The following DNAH12 variants were observed in gnomAD, a reference collection of about 807,000 sequenced individuals.
DNAH12 encodes the protein dynein axonemal heavy chain 12.
Under a neutral mutation model 371.5 loss-of-function variants are expected in DNAH12, and 285 were observed. The ratio of observed to expected loss-of-function variants is 0.77; its 90% CI spans 0.70 to 0.85. The LOEUF (loss-of-function observed/expected upper bound fraction) is 0.85. DNAH12 is among the 40% of genes least tolerant of loss of function. DNAH12 has a pLI of 0.00. For missense variants in DNAH12, 3,611 were observed against 3,689.4 expected (o/e 0.98, Z 0.55); for synonymous variants, 1,200 against 1,213.0 (o/e 0.99, Z 0.22).
intron 4 of DNAH12, 144 bp from the exon 5 acceptor site, chr3:57,511,123 C>A: frequency 1.8e-6 from 1 of 557,968 alleles, no homozygotes; most frequent in Non-Finnish European, 2.9e-6. Flanking sequence ...CCATTTAATC[C>A]AAAAGTACAT....
chr3:57,479,205 A>G (rs1164909766), intron 13 of DNAH12, among the ~76,000 whole-genome samples: 1 of 152,180 alleles, frequency 6.6e-6, no homozygotes, highest in South Asian at 2.1e-4. Context: ...CACTAGGCTC[A>G]AAATAAAGGG....
At chr3:57,415,363 A>C (rs1381892353) in intron 38 of DNAH12, 63 bp downstream of exon 38, 15 of 1,516,432 alleles carry the variant, frequency 9.9e-6, no homozygotes, top group Middle Eastern at 1.7e-4. Flanking sequence ...GTACAATTTT[A>C]AACACTGAGC....
At chr3:57,338,553 A>G (rs1448203758) in intron 60 of DNAH12, among the ~76,000 whole-genome samples, 2 of 106,316 alleles carry the variant, frequency 1.9e-5, no homozygotes, top group Non-Finnish European at 3.8e-5. Context: ...CCCGGCCGCC[A>G]CCTCATCTAG....
intron 10 of DNAH12, among the ~76,000 whole-genome samples, chr3:57,501,910 C>CT (rs11333440): frequency 0.023 from 3,234 of 143,690 alleles, 105 homozygotes; most frequent in African/African-American, 0.072. Flanking sequence ...GGGTTTGATT[C>CT]TTTTTTTTTT....
intron 25 of DNAH12, among the ~76,000 whole-genome samples, chr3:57,449,420 G>A (rs563809468): frequency 1.4e-4 from 21 of 152,308 alleles, no homozygotes; most frequent in African/African-American, 3.6e-4. Flanking sequence ...GGGAGGCTCC[G>A]GCCGCACAGG....
At chr3:57,463,542 T>G (rs2066116073) in intron 17 of DNAH12, among the ~76,000 whole-genome samples, 2 of 152,066 alleles carry the variant, frequency 1.3e-5, no homozygotes, top group Admixed American at 6.5e-5. Flanking sequence ...TTTGTATAAG[T>G]AATAATTTAA....
Position 57,293,805 on chromosome 3 carries a change from A to G in DNAH12, c.11859T>C (p.Ala3953=). 1 of 1,551,032 alleles carries G rather than the reference A, an allele frequency of 6.4e-7. No individual in the cohort carries two copies. Residue 3953 remains alanine, a synonymous_variant, in exon 74 of 74, where the codon GCT becomes GCC. Transcript: ENST00000495027. ...PTRHWIKRGV[A]LLCQLDD is the part of the protein sequence containing the mutation. ...TTTAGTCATCCAACTGACAAAGCAAAGCAACCCCGCGCTTGATCCAGTGCC... is the reference window on the plus strand; with the variant it reads ...TTTAGTCATCCAACTGACAAAGCAAGGCAACCCCGCGCTTGATCCAGTGCC...
At chr3:57,420,340 CTT>C (rs2064530665) in intron 36 of DNAH12, among the ~76,000 whole-genome samples, 1 of 152,202 alleles carries the variant, frequency 6.6e-6, no homozygotes, top group African/African-American at 2.4e-5. Flanking sequence ...ATCTCACAAT[CTT>C]TTCCTATTTT....
intron 70 of DNAH12, among the ~76,000 whole-genome samples, chr3:57,297,902 C>T (rs1258490925): frequency 6.6e-6 from 1 of 152,086 alleles, no homozygotes; most frequent in East Asian, 1.9e-4. Flanking sequence ...CAAATTAAAG[C>T]TTAAGCCTCT....
rs537021162 is a variant in DNAH12, at chr3:57,342,732, T to C, written c.9675-7792A>G. On this transcript the variant is annotated intron_variant, in intron 60 of 73. Coordinates refer to ENST00000495027, the MANE Select transcript of DNAH12 (RefSeq NM_001366028.2). ...CACCAAAGAATTAATATCCAGAATATACAAGGAACTCAGACATGTCAACAG... is the reference window on the plus strand; with the variant it reads ...CACCAAAGAATTAATATCCAGAATACACAAGGAACTCAGACATGTCAACAG... 2.4e-4 allele frequency among the ~76,000 whole-genome samples: 35 copies of C among 146,396 alleles called. No individual in the cohort carries two copies. In the South Asian group the frequency reaches 6.9e-3, roughly 29 times the overall value.
Position 57,433,818 on chromosome 3 carries a change from C to T in DNAH12, c.4666G>A (p.Val1556Ile). ...GTCTTAGCAGCAAAAGGCTCTCCTA[C>T]TAACATAAAACTATGAAGGAAAAGA... ...MMIVRHGFML[V>I]GEPFAAKTKV... Residue 1556 changes from valine (V) to isoleucine (I), a missense_variant, in exon 31 of 74, where the codon GTA becomes ATA. By Grantham distance (29) the Val-to-Ile change is conservative (BLOSUM62 3). Around this residue, in one of 3 missense-constraint regions of DNAH12, gnomAD observed 2,266 missense variants for 2,236.9 expected, o/e 1.01. Coordinates refer to ENST00000495027, the MANE Select transcript of DNAH12 (RefSeq NM_001366028.2). 5 of 1,537,920 alleles carry T rather than the reference C, an allele frequency of 3.3e-6. No homozygotes were observed. The highest frequency in any genetic ancestry group is 4.4e-6 in the Non-Finnish European group (5 of 1,143,158).
chr3:57,452,086 C>T (rs2065775448), intron 25 of DNAH12, among the ~76,000 whole-genome samples: 1 of 152,102 alleles, frequency 6.6e-6, no homozygotes, highest in South Asian at 2.1e-4. Flanking sequence ...CTCTTTCTGC[C>T]TTATGCCCCT....
In DNAH12 at chr3:57,486,265, T is replaced by G. The variant is rs554263666; in HGVS notation, c.1515-2754A>C. Among the ~76,000 whole-genome samples the G allele has an allele frequency of 1.4e-4, 21 of 152,060 alleles. No individual in the cohort carries two copies. In the East Asian group the frequency reaches 4.1e-3, roughly 29 times the overall value. The stretch of plus-strand genomic sequence containing the variant: ...TGAAATTTTAAAAATTAAAATTAAT[T>G]TTTTCTTTTAAAAAAATATCTAGCC... On this transcript the variant is annotated intron_variant, in intron 12 of 73. Transcript: ENST00000495027.
chr3:57,311,673 C>G (rs1429433080), intron 66 of DNAH12, among the ~76,000 whole-genome samples: 2 of 152,150 alleles, frequency 1.3e-5, no homozygotes, highest in South Asian at 4.1e-4. Context: ...CTAGACAATA[C>G]ACAGGAGAGC....
chr3:57,301,527 TTCA>T (rs933172500), intron 70 of DNAH12, among the ~76,000 whole-genome samples: 3 of 152,080 alleles, frequency 2.0e-5, no homozygotes, highest in East Asian at 1.9e-4. Flanking sequence ...TTCTAAAATT[TTCA>T]TCAGACTATC....
intron 67 of DNAH12, among the ~76,000 whole-genome samples, chr3:57,310,371 T>G (rs958282211): frequency 1.3e-5 from 2 of 152,206 alleles, no homozygotes; most frequent in Non-Finnish European, 2.9e-5. Flanking sequence ...CAGAAAAATG[T>G]TAATATCCAT....
chr3:57,555,235 C>T, the DNAH12 span, among the ~76,000 whole-genome samples: 1 of 151,176 alleles, frequency 6.6e-6, no homozygotes, highest in African/African-American at 2.4e-5. Context: ...AAGAGCAAGG[C>T]CCTACCTAAA....
chr3:57,331,380 T>C (rs1297783063), intron 62 of DNAH12, among the ~76,000 whole-genome samples: 1 of 152,136 alleles, frequency 6.6e-6, no homozygotes, highest in African/African-American at 2.4e-5. Context: ...AAATAATGAA[T>C]AAACCATTAT....
At chr3:57,465,732 T>C (rs187916174) in intron 17 of DNAH12, among the ~76,000 whole-genome samples, 1 of 152,058 alleles carries the variant, frequency 6.6e-6, no homozygotes, top group Admixed American at 6.5e-5. Flanking sequence ...TAATCTCCTA[T>C]ATATACAAGA....
Sources: allele counts gnomAD v4.1 joint callset (sites outside exome capture counted in the v4.1 genomes callset), GRCh38; gene constraint gnomAD v4.1.1; regional missense constraint gnomAD v4.1.1; transcripts MANE v1.5; gene names NCBI Gene and HGNC (gene_info 2026-07-23, HGNC 2026-07-21).